SCAPER: variants seen among roughly 807,000 people sequenced by gnomAD.
The protein encoded by SCAPER is S-phase cyclin A associated protein in the ER.
SCAPER carries 98 observed loss-of-function variants against 182.2 expected under a neutral mutation model. The ratio of observed to expected loss-of-function variants is 0.54; its 90% CI spans 0.46 to 0.64. The LOEUF (loss-of-function observed/expected upper bound fraction) is 0.64, where lower values mean the gene tolerates loss of function less well. SCAPER is among the 30% of genes least tolerant of loss of function. SCAPER has a pLI of 0.00. For missense variants in SCAPER, 1,432 were observed against 1,690.0 expected (o/e 0.85, Z 2.68); for synonymous variants, 605 against 564.6 (o/e 1.07, Z -1.01).
intron 8 of SCAPER, among the ~76,000 whole-genome samples, chr15:76,790,624 T>C (rs866105622): frequency 3.3e-4 from 51 of 152,328 alleles, no homozygotes; most frequent in Middle Eastern, 6.8e-3. Flanking sequence ...GTGGTATCTC[T>C]AGCAATATCC....
chr15:76,723,546 T>G (rs1598378457), intron 17 of SCAPER, among the ~76,000 whole-genome samples: 1 of 152,272 alleles, frequency 6.6e-6, no homozygotes, highest in East Asian at 1.9e-4. Flanking sequence ...AAGTCTCCCA[T>G]TATTATTGTG....
At chr15:76,528,417 T>C (rs1311017547) in intron 23 of SCAPER, among the ~76,000 whole-genome samples, 1 of 152,172 alleles carries the variant, frequency 6.6e-6, no homozygotes, top group Non-Finnish European at 1.5e-5. Flanking sequence ...TTACCACCAT[T>C]TGGATGTCCC....
At chr15:76,437,642 G>T (rs138601014) in intron 25 of SCAPER, among the ~76,000 whole-genome samples, 8 of 152,104 alleles carry the variant, frequency 5.3e-5, no homozygotes, top group African/African-American at 1.9e-4. Context: ...CAACAACCTT[G>T]TACTGTTTTT....
intron 5 of SCAPER, among the ~76,000 whole-genome samples, chr15:76,828,100 C>A (rs1426606327): frequency 6.6e-6 from 1 of 151,994 alleles, no homozygotes; most frequent in Non-Finnish European, 1.5e-5. Flanking sequence ...CATGTGATGT[C>A]CTATGTTGTC....
chr15:76,813,358 C>G (rs984565604), intron 5 of SCAPER, among the ~76,000 whole-genome samples: 2 of 147,996 alleles, frequency 1.4e-5, no homozygotes, highest in African/African-American at 5.0e-5. Context: ...TCAATATCAA[C>G]ATAATAACAC....
chr15:76,833,884 A>T (rs1446041192), intron 5 of SCAPER, among the ~76,000 whole-genome samples: 1 of 152,254 alleles, frequency 6.6e-6, no homozygotes, highest in Non-Finnish European at 1.5e-5. Context: ...ACCTATGAAG[A>T]GACTTAGATA....
At chr15:76,374,057 T>C (rs937700757) in intron 29 of SCAPER, among the ~76,000 whole-genome samples, 1 of 150,918 alleles carries the variant, frequency 6.6e-6, no homozygotes, top group Non-Finnish European at 1.5e-5. Flanking sequence ...ACACACTTGT[T>C]AGAGATTTGC....
chr15:76,596,953 G>C lies in SCAPER; in HGVS notation c.2712-22669C>G, dbSNP rs972009730. On this transcript the variant is annotated intron_variant, in intron 22 of 31. Transcript: ENST00000563290. ...TATTCAACATAGTATTGGAAGTTCT[G>C]GCCAGGACAATCAGGCAAGAGAAAG... 6.6e-5 allele frequency among the ~76,000 whole-genome samples: 8 copies of C among 121,466 alleles called. 2 individuals are homozygous for C. Among genetic ancestry groups the C allele is most frequent in the African/African-American group, 2.0e-4 (8 of 39,684 alleles). 79.7% of individuals were successfully genotyped at this position (121,466 alleles called of 152,430 possible).
At chr15:76,567,830 C>T (rs2047153513) in intron 23 of SCAPER, among the ~76,000 whole-genome samples, 1 of 152,006 alleles carries the variant, frequency 6.6e-6, no homozygotes, top group Admixed American at 6.6e-5. Context: ...TCTTGCTACC[C>T]TCTTCCTGGT....
chr15:76,538,644 A>G (rs1263191048), intron 23 of SCAPER, among the ~76,000 whole-genome samples: 1 of 152,146 alleles, frequency 6.6e-6, no homozygotes, highest in African/African-American at 2.4e-5. Flanking sequence ...GCAGCACACC[A>G]GCATGGCACA....
chr15:76,831,612 C>G (rs1286203854), intron 5 of SCAPER, among the ~76,000 whole-genome samples: 1 of 151,718 alleles, frequency 6.6e-6, no homozygotes, highest in Non-Finnish European at 1.5e-5. Context: ...GCGCAATCAC[C>G]TGTGGTTGCC....
intron 21 of SCAPER, among the ~76,000 whole-genome samples, chr15:76,648,043 A>G (rs1269511384): frequency 6.6e-6 from 1 of 152,238 alleles, no homozygotes; most frequent in African/African-American, 2.4e-5. Context: ...ACTGTCCAAT[A>G]TATGAAAAAA....
At chr15:76,557,740 A>G (rs2046295766) in intron 23 of SCAPER, among the ~76,000 whole-genome samples, 1 of 152,094 alleles carries the variant, frequency 6.6e-6, no homozygotes. Flanking sequence ...ATTTCTTTAT[A>G]ACAATGTGAG....
intron 2 of SCAPER, among the ~76,000 whole-genome samples, chr15:76,867,293 T>G (rs2072368983): frequency 6.6e-6 from 1 of 152,204 alleles, no homozygotes. Context: ...TTTCCAATGT[T>G]TTTCAGCTTT....
At chr15:76,723,549 T>C (rs2060394438) in intron 17 of SCAPER, among the ~76,000 whole-genome samples, 1 of 152,208 alleles carries the variant, frequency 6.6e-6, no homozygotes, top group Non-Finnish European at 1.5e-5. Flanking sequence ...TCTCCCATTA[T>C]TATTGTGTGG....
chr15:76,415,152 C>T (rs527714395), intron 26 of SCAPER, among the ~76,000 whole-genome samples: 149 of 152,246 alleles, frequency 9.8e-4, no homozygotes, highest in African/African-American at 3.5e-3. Context: ...GAAATGGAAA[C>T]TGCAGTTTTT....
At chr15:76,592,462 C>T (rs1487991674) in intron 22 of SCAPER, among the ~76,000 whole-genome samples, 1 of 122,752 alleles carries the variant, frequency 8.1e-6, no homozygotes, top group Non-Finnish European at 2.0e-5. Context: ...TATAGACCCT[C>T]ACTTTAGGCC....
At chr15:76,703,835 C>A (rs551208401) in intron 18 of SCAPER, among the ~76,000 whole-genome samples, 4 of 152,156 alleles carry the variant, frequency 2.6e-5, no homozygotes, top group Non-Finnish European at 5.9e-5. Flanking sequence ...CATTCCCCTG[C>A]CTACCACAAG....
At chr15:76,661,350 G>A (rs144320678) in intron 21 of SCAPER, among the ~76,000 whole-genome samples, 161 of 152,224 alleles carry the variant, frequency 1.1e-3, no homozygotes, top group African/African-American at 3.8e-3. Context: ...AAACTAAAGA[G>A]CTTCTGCATA....
Sources: gnomAD v4.1 joint callset for allele counts (sites outside exome capture counted in the v4.1 genomes callset) on GRCh38, gnomAD v4.1.1 for gene constraint, MANE v1.5 for transcripts, NCBI Gene and HGNC (gene_info 2026-07-23, HGNC 2026-07-21) for gene names.